The following SIN3B variants were observed in gnomAD, a reference collection of about 807,000 sequenced individuals.
SIN3B encodes paired amphipathic helix protein Sin3b.
Under a neutral mutation model 120.2 loss-of-function variants are expected in SIN3B, and 19 were observed. The observed-to-expected ratio is 0.16, with a 90% confidence interval of 0.11 to 0.23. The LOEUF (loss-of-function observed/expected upper bound fraction) is 0.23, where lower values mean the gene tolerates loss of function less well. Among genes scored for constraint, SIN3B ranks in the 10% least tolerant of loss-of-function variants. The pLI is 1.00. For missense variants in SIN3B, 1,073 were observed against 1,573.0 expected (o/e 0.68, Z 5.38); for synonymous variants, 654 against 653.2 (o/e 1.00, Z -0.02).
intron 3 of SIN3B, among the ~76,000 whole-genome samples, chr19:16,839,336 C>T (rs963264579): frequency 6.6e-6 from 1 of 152,144 alleles, no homozygotes; most frequent in Non-Finnish European, 1.5e-5. Flanking sequence ...AGTGGGATTA[C>T]CAGGTCATAT....
chr19:16,839,726 A>T (rs1971393421), intron 3 of SIN3B, among the ~76,000 whole-genome samples: 1 of 152,108 alleles, frequency 6.6e-6, no homozygotes, highest in Admixed American at 6.6e-5. Context: ...ATCTTACAAC[A>T]AACCCCGCCA....
At position 16,862,329 on chromosome 19, in the gene SIN3B, A is replaced by C; in HGVS notation, c.1059-23A>C. On this transcript the variant is annotated intron_variant, in intron 8 of 18. Transcript: ENST00000248054. This position sits in a 1 kb window ranked among gnomAD's most constrained non-coding sequence, Gnocchi z 4.7. ...CAGAAGGCCCTGGGGATGACCAGTT[A>C]CCATGTGTCTTTATCTTTGAAGGAA... The C allele has an allele frequency of 6.3e-7, 1 of 1,597,792 alleles. No homozygotes were observed. Among genetic ancestry groups the C allele is most frequent in the Non-Finnish European group, 8.6e-7 (1 of 1,166,150 alleles).
At chr19:16,837,527 G>A (rs577378231) in intron 3 of SIN3B, among the ~76,000 whole-genome samples, 3 of 151,580 alleles carry the variant, frequency 2.0e-5, no homozygotes, top group Admixed American at 6.6e-5. Context: ...CAGCAATGGC[G>A]ACAGAGTGGA....
At chr19:16,867,710 C>T (rs553039050) in intron 12 of SIN3B, among the ~76,000 whole-genome samples, 48 of 152,276 alleles carry the variant, frequency 3.2e-4, no homozygotes, top group South Asian at 1.7e-3. Context: ...AACACAGAAA[C>T]GGAATCCACA....
chr19:16,874,373 T>G lies in SIN3B; in HGVS notation c.2593-1682T>G, dbSNP rs564638790. On this transcript the variant is annotated intron_variant, in intron 14 of 18. Transcript: ENST00000248054. ...TGGCCTGGTCTGGTCTGGTTTGGTTTTGGTTTGGTCTGGTTTGGTCTGGTC... is the reference window on the plus strand; with the variant it reads ...TGGCCTGGTCTGGTCTGGTTTGGTTGTGGTTTGGTCTGGTTTGGTCTGGTC... Among the ~76,000 whole-genome samples, 48 of 151,946 alleles carry G rather than the reference T, an allele frequency of 3.2e-4. 1 individual carries two copies. In the South Asian group the frequency reaches 1.0e-2, roughly 32 times the overall value.
intron 11 of SIN3B, among the ~76,000 whole-genome samples, chr19:16,866,103 A>C (rs1429996685): frequency 6.6e-6 from 1 of 152,082 alleles, no homozygotes; most frequent in East Asian, 1.9e-4. Flanking sequence ...TGAGCAGGGG[A>C]CCTGAGTGGT....
Position 16,877,820 on chromosome 19 carries a change from C to A in SIN3B, c.2954+181C>A, listed in dbSNP as rs1209070975. Among the ~76,000 whole-genome samples, 5 of 152,140 alleles carry A rather than the reference C, an allele frequency of 3.3e-5. No homozygotes were observed. The East Asian group carries it at 9.6e-4, about 29-fold the overall frequency. On this transcript the variant is annotated intron_variant, in intron 17 of 18. Coordinates refer to ENST00000248054, the MANE Select transcript of SIN3B (RefSeq NM_001297595.2). Reference sequence around the variant, plus strand: ...TGGTTTGCAGTGGAGGGATTAGTAACCCCAGGACGGTGAGGTGTAGGAGGG... The same window carrying A: ...TGGTTTGCAGTGGAGGGATTAGTAAACCCAGGACGGTGAGGTGTAGGAGGG...
At chr19:16,838,536 T>C (rs969562361) in intron 3 of SIN3B, among the ~76,000 whole-genome samples, 10 of 152,208 alleles carry the variant, frequency 6.6e-5, no homozygotes, top group African/African-American at 2.4e-4. Context: ...TGAATCATTC[T>C]CCACTGTATG....
intron 14 of SIN3B, among the ~76,000 whole-genome samples, chr19:16,875,621 GGGTCTGGTCTGGTCTGGTCTGTTT>G (rs1426091105): frequency 1.8e-4 from 23 of 128,438 alleles, no homozygotes; most frequent in African/African-American, 3.1e-4. Context: ...GGTCTGGTTT[GGGTCTGGTCTGGTCTGGTCTGTTT>G]GGTCTGGTCT....
chr19:16,842,858 C>T (rs1462653860), intron 4 of SIN3B, among the ~76,000 whole-genome samples: 1 of 152,168 alleles, frequency 6.6e-6, no homozygotes, highest in African/African-American at 2.4e-5. Context: ...CTTGACATAT[C>T]AGTCGGAACC....
intron 5 of SIN3B, among the ~76,000 whole-genome samples, chr19:16,848,051 A>G: frequency 6.6e-6 from 1 of 152,116 alleles, no homozygotes; most frequent in Non-Finnish European, 1.5e-5. Context: ...TCATGTTTTC[A>G]AGGTTTATCC....
rs778051465 is a variant in SIN3B at position 16,854,245 on chromosome 19, G to A, written c.1042G>A (p.Val348Ile). The A allele has an allele frequency of 3.3e-5, 53 of 1,611,432 alleles. No homozygotes were observed. The highest frequency in any genetic ancestry group is 3.4e-4 in the Middle Eastern group (2 of 5,888). ...GTCTGGCTCTGAGCTCCTGCAGCTCGTCAGCCCATTTCTGGGGTGAGCAGC... is the reference window on the plus strand; with the variant it reads ...GTCTGGCTCTGAGCTCCTGCAGCTCATCAGCCCATTTCTGGGGTGAGCAGC... ...LVSGSELLQL[V>I]SPFLGKFPEL... Residue 348 changes from valine (V) to isoleucine (I), a missense_variant, in exon 8 of 19, where the codon GTC becomes ATC. Transcript: ENST00000248054.
At chr19:16,858,811 A>G (rs886567265) in intron 8 of SIN3B, among the ~76,000 whole-genome samples, 1 of 152,082 alleles carries the variant, frequency 6.6e-6, no homozygotes, top group East Asian at 1.9e-4. Flanking sequence ...TTAGCCAGAC[A>G]TGGTGACCTG....
intron 5 of SIN3B, 113 bp downstream of exon 5, chr19:16,847,226 G>A (rs1157732125): frequency 1.7e-5 from 21 of 1,205,946 alleles, no homozygotes; most frequent in Non-Finnish European, 2.3e-5. Flanking sequence ...CCACACTAGG[G>A]TCCCCCAGAA....
At position 16,848,075 on chromosome 19, in the gene SIN3B, G is replaced by T. The variant is rs570380774; in HGVS notation, c.726+962G>T. Among the ~76,000 whole-genome samples the T allele has an allele frequency of 3.3e-5, 5 of 152,194 alleles. No individual in the cohort carries two copies. The East Asian group carries it at 7.7e-4, about 23-fold the overall frequency. On this transcript the variant is annotated intron_variant, in intron 5 of 18. Transcript: ENST00000248054. Reference sequence around the variant, plus strand: ...CAAGGTTTATCCATGTCGTACCGTGGATCAGTGCTCATTCCTTTTCCTGGC... The same window carrying T: ...CAAGGTTTATCCATGTCGTACCGTGTATCAGTGCTCATTCCTTTTCCTGGC...
Position 16,876,456 on chromosome 19 carries a change from G to A in SIN3B, c.2767-30G>A. On this transcript the variant is annotated intron_variant, in intron 15 of 18. Transcript: ENST00000248054. The surrounding 1 kb of genome is among the most constrained non-coding windows in gnomAD (Gnocchi z 7.1). ...CTGTGCCGGCTGGGCTGTGCCGGCA[G>A]TGGAGGCTGTCAGCGTTCCTGCTCC... is the stretch of plus-strand genomic sequence containing the variant. 6.2e-7 allele frequency: 1 copy of A among 1,607,066 alleles called. No homozygotes were observed. The highest frequency in any genetic ancestry group is 8.5e-7 in the Non-Finnish European group (1 of 1,175,872).
At position 16,878,504 on chromosome 19, in the gene SIN3B, C is replaced by A. The variant is rs1376818152; in HGVS notation, c.3170C>A (p.Pro1057His). The A allele has an allele frequency of 1.3e-6, 2 of 1,572,630 alleles. No homozygotes were observed. The highest frequency in any genetic ancestry group is 1.9e-5 in the Admixed American group (1 of 53,426). Residue 1057 changes from proline (P) to histidine (H), a missense_variant, in exon 19 of 19, where the codon CCC (proline) becomes CAC (histidine). Physicochemically the swap from Pro to His is moderately conservative, Grantham distance 77. Around this residue, in one of 7 missense-constraint regions of SIN3B, gnomAD observed 311 missense variants for 400.3 expected, o/e 0.78. Transcript: ENST00000248054. ...ACCCGGCCTCTTCAACAGGTGCAGC[C>A]CCTGGTCCTGCTCCGCCACCACCAG... is the stretch of plus-strand genomic sequence containing the variant. ...GTLCRAKQVQ[P>H]LVLLRHHQHF...
Position 16,877,560 on chromosome 19 carries a change from G to A in SIN3B, c.2875G>A (p.Val959Met), listed in dbSNP as rs772089041. ...CTGTCCCCAGCACCTGGCTCGGTAC[G>A]TGGAGCAGTATGTGGGGACCGAGGG... The part of the protein sequence containing the change: ...PVEVQHLARY[V>M]EQYVGTEGAS... Residue 959 changes from valine to methionine, a missense_variant, in exon 17 of 19, where the codon GTG becomes ATG. Coordinates refer to ENST00000248054, the MANE Select transcript of SIN3B (RefSeq NM_001297595.2). 1.9e-5 allele frequency: 30 copies of A among 1,610,370 alleles called. No individual in the cohort carries two copies. The highest frequency in any genetic ancestry group is 6.7e-5 in the Admixed American group (4 of 59,558).
chr19:16,849,572 T>C (rs913226080), intron 5 of SIN3B, among the ~76,000 whole-genome samples: 2 of 152,214 alleles, frequency 1.3e-5, no homozygotes, highest in African/African-American at 4.8e-5. Flanking sequence ...TTCCCTAGCC[T>C]AGGTGGTCTT....
Sources: gnomAD v4.1 joint callset for allele counts (sites outside exome capture counted in the v4.1 genomes callset) on GRCh38, gnomAD v4.1.1 for gene constraint, gnomAD v4.1.1 regional missense constraint, Gnocchi (gnomAD v3.1) non-coding constraint, MANE v1.5 for transcripts, NCBI Gene and HGNC (gene_info 2026-07-23, HGNC 2026-07-21) for gene names.